GRM7: variants seen among roughly 807,000 people sequenced by gnomAD.
The protein encoded by GRM7 is metabotropic glutamate receptor 7.
A neutral mutation model predicts 84.5 loss-of-function variants in GRM7; 35 were observed. The observed-to-expected ratio is 0.41, with a 90% CI of 0.32 to 0.55. GRM7 has a LOEUF of 0.55. GRM7 is among the 20% of genes least tolerant of loss of function. The pLI, the probability that GRM7 is intolerant of heterozygous loss-of-function variation, is 0.19. For synonymous variants in GRM7, 487 were observed against 455.1 expected, an observed-to-expected ratio of 1.07 and a Z score of -0.89; for missense variants, 1,003 against 1,194.6, an observed-to-expected ratio of 0.84 and a Z score of 2.36.
chr3:7,170,409 G>A (rs533589812), intron 2 of GRM7, among the ~76,000 whole-genome samples: 67 of 152,274 alleles, frequency 4.4e-4, no homozygotes, highest in Middle Eastern at 3.4e-3. Context: ...ACATAACTCT[G>A]CTGCAGTTCT....
At chr3:7,687,546 C>G (rs1278693308) in intron 9 of GRM7, among the ~76,000 whole-genome samples, 2 of 152,104 alleles carry the variant, frequency 1.3e-5, no homozygotes, top group Non-Finnish European at 2.9e-5. Flanking sequence ...TTGATTTTCT[C>G]TGAACCTCCT....
At chr3:7,133,367 C>T (rs1237172063) in intron 1 of GRM7, among the ~76,000 whole-genome samples, 1 of 152,220 alleles carries the variant, frequency 6.6e-6, no homozygotes, top group East Asian at 1.9e-4. Flanking sequence ...ACCACGCACA[C>T]ATGAGGTGAT....
chr3:7,243,581 A>G (rs1211366582), intron 2 of GRM7, among the ~76,000 whole-genome samples: 1 of 152,156 alleles, frequency 6.6e-6, no homozygotes, highest in African/African-American at 2.4e-5. Context: ...AACCCATTCT[A>G]AACCAATCAC....
chr3:7,138,606 A>G (rs1693845342), intron 1 of GRM7, among the ~76,000 whole-genome samples: 1 of 151,918 alleles, frequency 6.6e-6, no homozygotes. Context: ...GTGTTACAGC[A>G]TGTGGGAAAA....
chr3:7,416,886 G>A (rs1696183293), intron 5 of GRM7, among the ~76,000 whole-genome samples: 1 of 152,100 alleles, frequency 6.6e-6, no homozygotes, highest in East Asian at 1.9e-4. Context: ...ACATTCAAGT[G>A]CACCGGAAGT....
chr3:7,529,172 G>A (rs1433972497), intron 7 of GRM7, among the ~76,000 whole-genome samples: 1 of 152,038 alleles, frequency 6.6e-6, no homozygotes, highest in African/African-American at 2.4e-5. Context: ...AAGTTCGAGA[G>A]CCTTTTATTA....
intron 1 of GRM7, among the ~76,000 whole-genome samples, chr3:7,062,813 C>T (rs146400716): frequency 6.6e-6 from 1 of 151,828 alleles, no homozygotes; most frequent in African/African-American, 2.4e-5. Context: ...ATATAGTGCA[C>T]AAGAGATTGA....
chr3:7,209,087 C>A (rs1425109611), intron 2 of GRM7, among the ~76,000 whole-genome samples: 1 of 152,122 alleles, frequency 6.6e-6, no homozygotes, highest in African/African-American at 2.4e-5. Context: ...TTACATTAGC[C>A]TACAGTTGAG....
intron 1 of GRM7, among the ~76,000 whole-genome samples, chr3:6,912,585 T>C (rs1315093377): frequency 6.6e-6 from 1 of 152,162 alleles, no homozygotes; most frequent in Non-Finnish European, 1.5e-5. Flanking sequence ...GATCAGCTGA[T>C]TCTATGGTTG....
intron 4 of GRM7, among the ~76,000 whole-genome samples, chr3:7,412,335 C>T (rs187392464): frequency 2.4e-4 from 36 of 152,262 alleles, no homozygotes; most frequent in African/African-American, 7.2e-4. Context: ...CCACAGGAAG[C>T]GCCATCAATA....
intron 1 of GRM7, among the ~76,000 whole-genome samples, chr3:6,956,110 G>A (rs1693037422): frequency 1.3e-5 from 2 of 152,176 alleles, no homozygotes; most frequent in Non-Finnish European, 2.9e-5. Flanking sequence ...GTTTAGCAAA[G>A]TATACCCATA....
At chr3:7,414,600 A>C (rs369618136) in intron 4 of GRM7, among the ~76,000 whole-genome samples, 1 of 152,058 alleles carries the variant, frequency 6.6e-6, no homozygotes, top group East Asian at 1.9e-4. Flanking sequence ...TTCACCTACA[A>C]CCTCTTCAAA....
intron 8 of GRM7, chr3:7,607,022 A>G (rs762574790): frequency 1.3e-5 from 2 of 152,210 alleles, no homozygotes; most frequent in Non-Finnish European, 2.9e-5. Flanking sequence ...AAGCTTTGCT[A>G]GTATCTTAAC....
At chr3:7,549,112 C>A (rs1693315543) in intron 7 of GRM7, among the ~76,000 whole-genome samples, 1 of 152,084 alleles carries the variant, frequency 6.6e-6, no homozygotes, top group South Asian at 2.1e-4. Flanking sequence ...TATGAGAGAG[C>A]TAACTATTAG....
chr3:6,995,586 T>C (rs1353937179), intron 1 of GRM7, among the ~76,000 whole-genome samples: 4 of 152,170 alleles, frequency 2.6e-5, no homozygotes, highest in African/African-American at 9.6e-5. Flanking sequence ...TTTGTTAAAA[T>C]AGGACCATGT....
intron 2 of GRM7, among the ~76,000 whole-genome samples, chr3:7,257,529 C>T (rs1698252796): frequency 6.6e-6 from 1 of 152,146 alleles, no homozygotes; most frequent in African/African-American, 2.4e-5. Flanking sequence ...GTTCGCTTCT[C>T]TTTCTCTCCA....
intron 1 of GRM7, among the ~76,000 whole-genome samples, chr3:7,049,755 G>C (rs763150975): frequency 2.6e-5 from 4 of 151,874 alleles, no homozygotes; most frequent in Non-Finnish European, 5.9e-5. Flanking sequence ...GAATGTATTT[G>C]AGCTGAGAAC....
At chr3:6,954,296 C>T (rs1265425577) in intron 1 of GRM7, among the ~76,000 whole-genome samples, 1 of 152,124 alleles carries the variant, frequency 6.6e-6, no homozygotes, top group Admixed American at 6.6e-5. Context: ...AGTCACCCTA[C>T]TCTTCTATCA....
Position 6,984,874 on chromosome 3 carries a change from T to C in GRM7, c.519+122967T>C, listed in dbSNP as rs540259291. On this transcript the variant is annotated intron_variant, in intron 1 of 9. Transcript: ENST00000357716. ...CATTGGAACTGAGAGAGGAGGCTGC[T>C]GACTTAATGTATTATTCCAGTGGGA... Among the ~76,000 whole-genome samples the C allele has an allele frequency of 2.6e-5, 4 of 152,336 alleles. No homozygotes were observed. In the South Asian group the frequency reaches 6.2e-4, roughly 24 times the overall value.
Sources: allele counts gnomAD v4.1 joint callset (sites outside exome capture counted in the v4.1 genomes callset), GRCh38; gene constraint gnomAD v4.1.1; transcripts MANE v1.5; gene names NCBI Gene and HGNC (gene_info 2026-07-23, HGNC 2026-07-21).